RAP1GAP2: variants seen among roughly 807,000 people sequenced by gnomAD.
RAP1GAP2 encodes the protein rap1 GTPase-activating protein 2.
A neutral mutation model predicts 95.0 loss-of-function variants in RAP1GAP2; 27 were observed. The observed-to-expected ratio is 0.28, with a 90% CI of 0.21 to 0.39. The LOEUF is 0.39. Among genes scored for constraint, RAP1GAP2 ranks in the 10% least tolerant of loss-of-function variants. The pLI is 1.00. For synonymous variants in RAP1GAP2, 373 were observed against 380.9 expected (o/e 0.98, Z 0.24); for missense variants, 771 against 970.0 (o/e 0.79, Z 2.72).
chr17:2,889,887 A>ATT (rs1183050009), intron 2 of RAP1GAP2, among the ~76,000 whole-genome samples: 16 of 38,732 alleles, frequency 4.1e-4, no homozygotes, highest in African/African-American at 1.0e-3. Flanking sequence ...ATATATATAT[A>ATT]TATTTTTTTT....
intron 3 of RAP1GAP2, among the ~76,000 whole-genome samples, chr17:2,921,095 G>A (rs555213173): frequency 1.3e-5 from 2 of 152,310 alleles, no homozygotes; most frequent in South Asian, 4.1e-4. Context: ...GGAGTGTGGA[G>A]CTGGAGTTTC....
intron 2 of RAP1GAP2, among the ~76,000 whole-genome samples, chr17:2,822,126 G>T (rs1381183119): frequency 2.6e-5 from 4 of 152,062 alleles, no homozygotes; most frequent in Admixed American, 2.6e-4. Flanking sequence ...CCAATCCCAT[G>T]GTCAGCACCC....
intron 1 of RAP1GAP2, chr17:2,777,289 T>C (rs1348426017): frequency 6.6e-6 from 1 of 152,368 alleles, no homozygotes; most frequent in Non-Finnish European, 1.5e-5. Context: ...GTAGGGTGTT[T>C]ACAGGTGGTG....
chr17:2,831,702 T>TG (rs998268126), intron 2 of RAP1GAP2, among the ~76,000 whole-genome samples: 6 of 150,872 alleles, frequency 4.0e-5, no homozygotes, highest in Non-Finnish European at 7.4e-5. Context: ...ACCAGCCTGG[T>TG]GGGGGGGCAG....
intron 1 of RAP1GAP2, among the ~76,000 whole-genome samples, chr17:2,784,165 G>T (rs1330899223): frequency 6.6e-6 from 1 of 151,862 alleles, no homozygotes; most frequent in African/African-American, 2.4e-5. Flanking sequence ...GTAGAGACGA[G>T]GGTTTCACTG....
At position 2,771,389 on chromosome 17, in the gene RAP1GAP2, C is replaced by G. The variant is rs985291503; in HGVS notation, c.167+944C>G. Among the ~76,000 whole-genome samples the G allele has an allele frequency of 8.5e-5, 13 of 152,142 alleles. No homozygotes were observed. In the East Asian group the frequency reaches 2.3e-3, roughly 27 times the overall value. ...GCATCGGCAGTCACAACAGAGGCGT[C>G]CTGGCAACCCTTCTGCAGCCACAGC... On this transcript the variant is annotated intron_variant, in intron 2 of 25. Transcript: ENST00000637138.
chr17:2,800,698 G>A (rs1184386152), intron 2 of RAP1GAP2, 148 bp downstream of exon 2: 6 of 875,232 alleles, frequency 6.9e-6, no homozygotes, highest in Non-Finnish European at 1.1e-5. Flanking sequence ...CCAGATCGGA[G>A]GAGGCTGGAC....
chr17:3,006,444 T>TG (rs2046338448), intron 16 of RAP1GAP2, among the ~76,000 whole-genome samples: 1 of 143,100 alleles, frequency 7.0e-6, no homozygotes, highest in African/African-American at 2.6e-5. Context: ...AGTCCTTTTT[T>TG]TTTTTTCAAG....
intron 19 of RAP1GAP2, among the ~76,000 whole-genome samples, chr17:3,025,139 G>A (rs956088418): frequency 6.6e-6 from 1 of 152,214 alleles, no homozygotes; most frequent in Non-Finnish European, 1.5e-5. Flanking sequence ...CACTCTGGGA[G>A]CCCGATACAG....
intron 3 of RAP1GAP2, among the ~76,000 whole-genome samples, chr17:2,952,368 C>T (rs989071728): frequency 6.6e-6 from 1 of 152,198 alleles, no homozygotes; most frequent in African/African-American, 2.4e-5. Context: ...TTGGGTACTT[C>T]CCCCATTGCT....
At chr17:2,791,857 C>CTTTTTTTTTTTTTTTTTTT (rs530185952), upstream of RAP1GAP2, among the ~76,000 whole-genome samples, 5 of 136,028 alleles carry the variant, frequency 3.7e-5, no homozygotes, top group Non-Finnish European at 6.4e-5. Flanking sequence ...CCTTTTCTCT[C>CTTTTTTTTTTTTTTTTTTT]TTTTTTTTTT....
intron 3 of RAP1GAP2, among the ~76,000 whole-genome samples, chr17:2,910,522 G>C (rs780996216): frequency 4.4e-4 from 67 of 152,156 alleles, no homozygotes; most frequent in Non-Finnish European, 1.2e-4. Flanking sequence ...GTGGGAGAAG[G>C]CTTCACCTGG....
At chr17:2,978,922 C>T (rs987045763) in intron 8 of RAP1GAP2, among the ~76,000 whole-genome samples, 5 of 101,524 alleles carry the variant, frequency 4.9e-5, no homozygotes, top group African/African-American at 1.8e-4. Context: ...GCAACAAGAG[C>T]GAAACTCTGT....
chr17:2,758,523 C>T (rs1367588736), intron 1 of RAP1GAP2, among the ~76,000 whole-genome samples: 1 of 152,080 alleles, frequency 6.6e-6, no homozygotes, highest in African/African-American at 2.4e-5. Context: ...CCCCTCACCC[C>T]AGATAAAAGC....
intron 3 of RAP1GAP2, among the ~76,000 whole-genome samples, chr17:2,932,550 A>C (rs1321077519): frequency 7.0e-6 from 1 of 142,082 alleles, no homozygotes; most frequent in Non-Finnish European, 1.5e-5. Flanking sequence ...GCGCCACTGC[A>C]CTCCAGCCTG....
rs146767890 is a variant in RAP1GAP2, at chr17:2,922,491, C to T, written c.165+17123C>T. Among the ~76,000 whole-genome samples the T allele has an allele frequency of 1.1e-4, 17 of 152,322 alleles. No homozygotes were observed. In the East Asian group the frequency reaches 3.1e-3, roughly 28 times the overall value. ...CTCTCCTGGGAGTTCCTGGTGGGAG[C>T]TTGGTGAGGTCCCCGAGGTCTGCCA... On this transcript the variant is annotated intron_variant, in intron 3 of 24. Coordinates refer to ENST00000254695, the MANE Select transcript of RAP1GAP2 (RefSeq NM_015085.5).
In RAP1GAP2 at chr17:2,827,796, A is replaced by C. The variant is rs2151535953; in HGVS notation, c.80+27246A>C. Among the ~76,000 whole-genome samples the C allele has an allele frequency of 6.8e-6, 1 of 148,004 alleles. No individual in the cohort carries two copies. Among genetic ancestry groups the C allele is most frequent in the East Asian group, 2.0e-4 (1 of 5,050 alleles). On this transcript the variant is annotated intron_variant, in intron 2 of 24. Transcript: ENST00000254695. The surrounding 1 kb of genome is among the most constrained non-coding windows in gnomAD (Gnocchi z 4.1). ...GTCAGCATCTCTTTGGTTGCTTTTT[A>C]TCAGCTTCCTATTAGAAAAAAAAAA...
intron 8 of RAP1GAP2, among the ~76,000 whole-genome samples, chr17:2,966,177 G>A (rs2044589444): frequency 6.6e-6 from 1 of 152,216 alleles, no homozygotes; most frequent in African/African-American, 2.4e-5. Context: ...AAGGGCAGGA[G>A]CTGGAACTGG....
intron 3 of RAP1GAP2, among the ~76,000 whole-genome samples, chr17:2,907,010 T>A (rs1040868882): frequency 2.2e-4 from 33 of 152,286 alleles, no homozygotes; most frequent in African/African-American, 7.9e-4. Flanking sequence ...GTTGGTTTCA[T>A]TCTTTGTCAA....
Sources: gnomAD v4.1 joint callset for allele counts (sites outside exome capture counted in the v4.1 genomes callset) on GRCh38, gnomAD v4.1.1 for gene constraint, Gnocchi (gnomAD v3.1) non-coding constraint, MANE v1.5 for transcripts, NCBI Gene and HGNC (gene_info 2026-07-23, HGNC 2026-07-21) for gene names.